Variants in FRK observed in about 807,000 individuals in gnomAD.
FRK encodes the protein fyn related Src family tyrosine kinase.
In FRK, 51 loss-of-function variants were observed where a neutral mutation model predicts 56.4. The ratio of observed to expected loss-of-function variants is 0.90; its 90% CI spans 0.72 to 1.14. FRK has a LOEUF of 1.14. Ranked by LOEUF, FRK falls within the 50% of genes most tolerant of loss-of-function variation. The pLI is 0.00. For synonymous variants in FRK, 245 were observed against 217.9 expected (o/e 1.12, Z -1.10); for missense variants, 570 against 601.4 (o/e 0.95, Z 0.55).
intron 5 of FRK, among the ~76,000 whole-genome samples, chr6:115,947,317 AGTGTGT>A (rs10577529): frequency 0.029 from 4,335 of 149,516 alleles, 125 homozygotes; most frequent in African/African-American, 0.076. Context: ...AGACTTAAAC[AGTGTGT>A]GTGTGTGTGT....
chr6:116,092,828 G>A, the FRK span, among the ~76,000 whole-genome samples: 1 of 152,094 alleles, frequency 6.6e-6, no homozygotes, highest in Admixed American at 6.6e-5. Context: ...TCTTTCACAT[G>A]GGAAACACTC....
At chr6:115,998,855 A>G (rs1774940974) in intron 2 of FRK, among the ~76,000 whole-genome samples, 1 of 152,180 alleles carries the variant, frequency 6.6e-6, no homozygotes, top group Non-Finnish European at 1.5e-5. Flanking sequence ...TATGGCCTCA[A>G]TGTAGTCACT....
chr6:115,942,976 A>C (rs775379239), intron 7 of FRK, 44 bp downstream of exon 7: 1 of 1,576,454 alleles, frequency 6.3e-7, no homozygotes, highest in Non-Finnish European at 8.6e-7. Context: ...CACCTAAGTA[A>C]GTGACATGCA....
At chr6:116,039,738 G>A (rs189685383) in intron 1 of FRK, among the ~76,000 whole-genome samples, 1 of 152,098 alleles carries the variant, frequency 6.6e-6, no homozygotes, top group East Asian at 1.9e-4. Flanking sequence ...CTTCTCCTTG[G>A]CTGAGAGGTG....
At chr6:115,944,576 AC>A (rs1476631447) in intron 5 of FRK, 151 bp from the exon 6 acceptor site, 1 of 556,668 alleles carries the variant, frequency 1.8e-6, no homozygotes, top group African/African-American at 1.9e-5. Flanking sequence ...TATCATTAAT[AC>A]AACTTAATTT....
At chr6:115,977,618 T>C (rs976417556) in intron 2 of FRK, among the ~76,000 whole-genome samples, 15 of 152,104 alleles carry the variant, frequency 9.9e-5, no homozygotes, top group African/African-American at 3.4e-4. Flanking sequence ...TCTATCAGGG[T>C]TGTTACTGGT....
upstream of FRK, among the ~76,000 whole-genome samples, chr6:116,060,917 T>C (rs1777603880): frequency 2.6e-5 from 4 of 152,232 alleles, no homozygotes. Flanking sequence ...CTTCCTGGTT[T>C]CTTTCTGTCT....
chr6:115,978,405 G>A (rs972364743), intron 2 of FRK, among the ~76,000 whole-genome samples: 21 of 152,084 alleles, frequency 1.4e-4, no homozygotes, highest in South Asian at 2.1e-4. Context: ...AGAAAAGGAC[G>A]ATGACTCCAG....
intron 1 of FRK, among the ~76,000 whole-genome samples, chr6:116,054,451 T>A (rs146081981): frequency 0.058 from 8,369 of 144,370 alleles, 359 homozygotes; most frequent in Admixed American, 0.14. Context: ...TTATTTATAC[T>A]ATATTATATA....
In FRK at chr6:116,060,471, G is replaced by C. The variant is rs1304408350; in HGVS notation, c.-160C>G. On this transcript the variant is annotated 5_prime_UTR_variant, in exon 1 of 8. Coordinates refer to ENST00000606080, the MANE Select transcript of FRK (RefSeq NM_002031.3). ...CGTTTCAGATCAGTCCAGCAGCTGG[G>C]TTGCAGCAAGTCCTACCTGGAGAGA... 96 of 616,206 alleles carry C rather than the reference G, an allele frequency of 1.6e-4. No homozygotes were observed. Among genetic ancestry groups the C allele is most frequent in the Non-Finnish European group, 2.8e-6 (1 of 354,444 alleles). 38.2% of individuals were successfully genotyped at this position (616,206 alleles called of 1,614,324 possible). A position where few individuals can be genotyped will look rare whatever the true frequency, so the allele number is the denominator to read the frequency against.
chr6:115,992,720 A>G (rs1270335741), intron 2 of FRK, among the ~76,000 whole-genome samples: 1 of 151,808 alleles, frequency 6.6e-6, no homozygotes, highest in Non-Finnish European at 1.5e-5. Context: ...TAATCGTGCA[A>G]TAGCTTATGT....
chr6:116,095,376 G>C, the FRK span, among the ~76,000 whole-genome samples: 3 of 152,206 alleles, frequency 2.0e-5, no homozygotes, highest in African/African-American at 7.2e-5. Flanking sequence ...AATCAGGAAG[G>C]AGCCATCTAT....
chr6:116,012,579 C>G (rs10456902), intron 1 of FRK, among the ~76,000 whole-genome samples: 59,098 of 152,144 alleles, frequency 0.39, 11,872 homozygotes, highest in Middle Eastern at 0.5. Flanking sequence ...CTTCACATAT[C>G]TGTGGCATGA....
the FRK span, among the ~76,000 whole-genome samples, chr6:116,084,760 G>A: frequency 6.6e-6 from 1 of 152,162 alleles, no homozygotes; most frequent in Non-Finnish European, 1.5e-5. Context: ...TACAGGGAAA[G>A]GAATAATTAT....
rs568769334 is a variant in FRK, at chr6:116,032,012, A to G, written c.344+27956T>C. ...TTATAACTAAATTCATATCCAAAAT[A>G]TACACAAGAGGAAGCTGTAGAAAAA... On this transcript the variant is annotated intron_variant, in intron 1 of 7. Transcript: ENST00000606080. 5.6e-4 allele frequency among the ~76,000 whole-genome samples: 85 copies of G among 152,258 alleles called. 1 individual carries two copies. The highest frequency in any genetic ancestry group is 5.7e-4 in the Non-Finnish European group (39 of 67,992).
intron 1 of FRK, among the ~76,000 whole-genome samples, chr6:116,036,779 T>C (rs1377530116): frequency 1.3e-5 from 2 of 152,158 alleles, no homozygotes; most frequent in Non-Finnish European, 2.9e-5. Flanking sequence ...ATCAATGTAC[T>C]TAACTGTAAA....
chr6:115,974,246 A>T (rs1411321146), intron 2 of FRK, among the ~76,000 whole-genome samples: 1 of 152,204 alleles, frequency 6.6e-6, no homozygotes, highest in African/African-American at 2.4e-5. Flanking sequence ...CAAAAGATCT[A>T]ATAGTCTCCA....
intron 2 of FRK, among the ~76,000 whole-genome samples, chr6:115,990,808 A>G (rs911397003): frequency 1.3e-5 from 2 of 151,828 alleles, no homozygotes; most frequent in Non-Finnish European, 2.9e-5. Context: ...ATTCTGTGAA[A>G]TATGACATTG....
At chr6:116,003,400 G>A (rs1189087119) in intron 2 of FRK, among the ~76,000 whole-genome samples, 1 of 152,152 alleles carries the variant, frequency 6.6e-6, no homozygotes, top group African/African-American at 2.4e-5. Flanking sequence ...TGATCCTTAA[G>A]TGAAAAACTA....
Sources: allele counts gnomAD v4.1 joint callset (sites outside exome capture counted in the v4.1 genomes callset), GRCh38; gene constraint gnomAD v4.1.1; transcripts MANE v1.5; gene names NCBI Gene and HGNC (gene_info 2026-07-23, HGNC 2026-07-21).